AKAP19: variants seen among roughly 807,000 people sequenced by gnomAD.
AKAP19 encodes A-kinase anchoring protein 19.
the AKAP19 span, among the ~76,000 whole-genome samples, chr2:190,175,090 G>GACA: frequency 2.7e-5 from 4 of 148,406 alleles, no homozygotes; most frequent in Admixed American, 1.3e-4. Flanking sequence ...AACCATAAAA[G>GACA]ACAACAACAA....
At chr2:190,061,241 T>C in the AKAP19 span, among the ~76,000 whole-genome samples, 10 of 152,220 alleles carry the variant, frequency 6.6e-5, no homozygotes, top group Middle Eastern at 0.014. Context: ...GTTTGGAGTC[T>C]TGTTTAAAGT....
At chr2:189,889,475 A>T in the AKAP19 span, among the ~76,000 whole-genome samples, 1 of 151,862 alleles carries the variant, frequency 6.6e-6, no homozygotes, top group Non-Finnish European at 1.5e-5. Flanking sequence ...CTCTTTTTCT[A>T]TTGTTTGGAA....
chr2:190,134,222 T>C, the AKAP19 span, among the ~76,000 whole-genome samples: 6 of 152,162 alleles, frequency 3.9e-5, no homozygotes, highest in South Asian at 2.1e-4. Context: ...TTTGAACTTA[T>C]ATGGGCTCTC....
chr2:189,942,747 T>G, the AKAP19 span, among the ~76,000 whole-genome samples: 1 of 152,234 alleles, frequency 6.6e-6, no homozygotes, highest in Non-Finnish European at 1.5e-5. Flanking sequence ...GGCAGTCATA[T>G]GTGTTATGCC....
At chr2:190,152,110 G>A in the AKAP19 span, among the ~76,000 whole-genome samples, 1 of 151,972 alleles carries the variant, frequency 6.6e-6, no homozygotes, top group Non-Finnish European at 1.5e-5. Context: ...GATCGCTGGA[G>A]GTCAGGAGTT....
At chr2:189,976,359 C>T in the AKAP19 span, among the ~76,000 whole-genome samples, 5 of 152,350 alleles carry the variant, frequency 3.3e-5, no homozygotes, top group African/African-American at 4.8e-5. Flanking sequence ...AGGGGGGTAC[C>T]AGCCATGTGA....
the AKAP19 span, among the ~76,000 whole-genome samples, chr2:189,911,350 G>A: frequency 6.6e-6 from 1 of 151,990 alleles, no homozygotes; most frequent in Non-Finnish European, 1.5e-5. Flanking sequence ...TGAAGTGGAG[G>A]TACATGCATT....
the AKAP19 span, among the ~76,000 whole-genome samples, chr2:190,086,369 T>G: frequency 6.6e-6 from 1 of 152,224 alleles, no homozygotes; most frequent in African/African-American, 2.4e-5. Flanking sequence ...AGGTGGTTTA[T>G]TTGCAGGAAG....
At chr2:189,898,007 A>C in the AKAP19 span, among the ~76,000 whole-genome samples, 1 of 152,086 alleles carries the variant, frequency 6.6e-6, no homozygotes, top group Non-Finnish European at 1.5e-5. Flanking sequence ...CAGGAGTTTG[A>C]GACCAGCCAG....
chr2:189,984,396 G>T, the AKAP19 span, among the ~76,000 whole-genome samples: 1 of 152,058 alleles, frequency 6.6e-6, no homozygotes, highest in Admixed American at 6.5e-5. Flanking sequence ...TGAAAGAAGA[G>T]AAATATGGCT....
At chr2:190,044,561 C>T in the AKAP19 span, among the ~76,000 whole-genome samples, 4 of 152,138 alleles carry the variant, frequency 2.6e-5, no homozygotes, top group African/African-American at 9.7e-5. Context: ...CTGAGAGGCT[C>T]TGTCCAGGGA....
At chr2:190,117,631 G>A in the AKAP19 span, among the ~76,000 whole-genome samples, 3 of 152,182 alleles carry the variant, frequency 2.0e-5, no homozygotes, top group African/African-American at 7.2e-5. Flanking sequence ...TTAGAAGAAT[G>A]AAACAAAAAC....
the AKAP19 span, among the ~76,000 whole-genome samples, chr2:189,992,384 G>A: frequency 1.3e-5 from 2 of 152,006 alleles, no homozygotes; most frequent in Non-Finnish European, 1.5e-5. Flanking sequence ...TAAAAATAAC[G>A]TGTATGTAGT....
At chr2:190,085,569 A>G in the AKAP19 span, among the ~76,000 whole-genome samples, 8 of 152,252 alleles carry the variant, frequency 5.3e-5, no homozygotes, top group African/African-American at 1.9e-4. Flanking sequence ...GCTACTGATT[A>G]TAAGATCACA....
the AKAP19 span, among the ~76,000 whole-genome samples, chr2:189,997,147 A>G: frequency 1.3e-5 from 2 of 152,174 alleles, no homozygotes; most frequent in Admixed American, 6.5e-5. Flanking sequence ...CAGTGGAGTT[A>G]GCTGTTGGTT....
At chr2:190,077,454 T>C in the AKAP19 span, among the ~76,000 whole-genome samples, 1 of 128,746 alleles carries the variant, frequency 7.8e-6, no homozygotes, top group Non-Finnish European at 1.5e-5. Flanking sequence ...AATGTTAACA[T>C]GTTAACATGT....
chr2:190,087,813 C>T, the AKAP19 span, among the ~76,000 whole-genome samples: 2 of 152,224 alleles, frequency 1.3e-5, no homozygotes, highest in African/African-American at 4.8e-5. Context: ...CCTCTATAAC[C>T]TTTCTAGTCA....
the AKAP19 span, among the ~76,000 whole-genome samples, chr2:189,928,715 C>T: frequency 9.9e-5 from 15 of 152,048 alleles, no homozygotes; most frequent in African/African-American, 2.7e-4. Flanking sequence ...TTACAAAGTA[C>T]TTAAGAGATA....
the AKAP19 span, among the ~76,000 whole-genome samples, chr2:190,149,581 C>T: frequency 6.6e-6 from 1 of 152,178 alleles, no homozygotes; most frequent in African/African-American, 2.4e-5. Context: ...TTTTGACCCA[C>T]TGCTCATTCA....
Sources: allele counts gnomAD v4.1 joint callset (sites outside exome capture counted in the v4.1 genomes callset), GRCh38; gene constraint gnomAD v4.1.1; transcripts MANE v1.5; gene names NCBI Gene and HGNC (gene_info 2026-07-23, HGNC 2026-07-21).